The following ICAM5 variants were observed in gnomAD, a reference collection of about 807,000 sequenced individuals.
ICAM5 encodes intercellular adhesion molecule 5.
ICAM5 carries 38 observed loss-of-function variants against 78.8 expected under a neutral mutation model. The observed-to-expected ratio is 0.48, with a 90% CI of 0.37 to 0.63. ICAM5 has a LOEUF of 0.63. ICAM5 is among the 30% of genes least tolerant of loss of function. The probability of loss-of-function intolerance (pLI) is 0.00; values close to 1 mark genes in which losing one functional copy is unlikely to be tolerated. For synonymous variants in ICAM5, 544 were observed against 590.9 expected (o/e 0.92, Z 1.15); for missense variants, 1,059 against 1,303.0 (o/e 0.81, Z 2.88).
In ICAM5 at chr19:10,290,106, G is replaced by A; in HGVS notation, c.63G>A (p.Leu21=). The change falls in exon 1 of 11, where the codon CTG becomes CTA. Residue 21 remains leucine (L), a synonymous_variant. Transcript: ENST00000221980. The surrounding 1 kb of genome is among the most constrained non-coding windows in gnomAD (Gnocchi z 5.7). The part of the protein sequence containing the change: ...ALLGLWAALG[L]GLFGLSAVSQ... ...TCGGCCTCTGGGCTGCTCTGGGCCT[G>A]GGGCTCTTCGGCCTCTCAGGTAAGA... The A allele has an allele frequency of 7.8e-6, 12 of 1,535,544 alleles. No individual in the cohort carries two copies. Among genetic ancestry groups the A allele is most frequent in the Non-Finnish European group, 1.1e-5 (12 of 1,140,350 alleles).
In ICAM5 at chr19:10,293,023, CTGCCCCAGGAGTTGGACGTGGCCCGA is replaced by C; in HGVS notation, c.1243_1268del (p.Cys415GlyfsTer52). 1 of 1,611,104 alleles carries C rather than the reference CTGCCCCAGGAGTTGGACGTGGCCCGA, an allele frequency of 6.2e-7. No individual in the cohort carries two copies. The highest frequency in any genetic ancestry group is 8.5e-7 in the Non-Finnish European group (1 of 1,180,016). On this transcript the variant is annotated frameshift_variant, in exon 6 of 11. Transcript: ENST00000221980. LOFTEE classifies it high-confidence loss of function. This position sits in a 1 kb window ranked among gnomAD's most constrained non-coding sequence, Gnocchi z 5.0. ...ACGCTCCCCGGCTAGACGATTCGGA[CTGCCCCAGGAGTTGGACGTGGCCCGA>C]GGGCCCAGAGCAGACGCTGCGCTGC...
chr19:10,295,883 T>A (rs2040216565), intron 10 of ICAM5, among the ~76,000 whole-genome samples: 1 of 152,142 alleles, frequency 6.6e-6, no homozygotes, highest in African/African-American at 2.4e-5. Context: ...TTGGGCTGGA[T>A]TCTGCGTGGT....
chr19:10,295,128 C>A (rs2040209617), intron 9 of ICAM5, among the ~76,000 whole-genome samples: 2 of 152,340 alleles, frequency 1.3e-5, no homozygotes, highest in Admixed American at 6.5e-5. Flanking sequence ...AGAACACTGA[C>A]CTGGGCTTCA....
At chr19:10,291,985 G>C (rs1428076541) in intron 3 of ICAM5, 50 bp from the exon 4 acceptor site, 1 of 1,580,320 alleles carries the variant, frequency 6.3e-7, no homozygotes, top group Admixed American at 1.7e-5. Flanking sequence ...AAGTGCTTAG[G>C]ACATATTGAG....
chr19:10,295,759 G>T, intron 10 of ICAM5, 147 bp downstream of exon 10: 1 of 942,110 alleles, frequency 1.1e-6, no homozygotes. Flanking sequence ...GTGCCTTAGC[G>T]GGTGGGGCTG....
Position 10,290,913 on chromosome 19 carries a change from A to C in ICAM5, c.83-159A>C. The stretch of plus-strand genomic sequence containing the variant: ...GTTTAGACTCTGGGAGTGCGCCTTT[A>C]AACCGGAGGCCTGGGCAGGACGCGG... On this transcript the variant is annotated intron_variant, in intron 1 of 10. Coordinates refer to ENST00000221980, the MANE Select transcript of ICAM5 (RefSeq NM_003259.4). The surrounding 1 kb of genome is among the most constrained non-coding windows in gnomAD (Gnocchi z 5.7). 1 of 924,358 alleles carries C rather than the reference A, an allele frequency of 1.1e-6. No homozygotes were observed. Among genetic ancestry groups the C allele is most frequent in the Non-Finnish European group, 1.6e-6 (1 of 629,692 alleles). The allele number at this position is 924,358 out of a possible 1,614,324, so 57.3% of individuals were successfully genotyped here.
chr19:10,293,619 C>G lies in ICAM5; in HGVS notation c.1466-79C>G. The G allele has an allele frequency of 1.3e-6, 2 of 1,542,158 alleles. No individual in the cohort carries two copies. Among genetic ancestry groups the G allele is most frequent in the South Asian group, 2.4e-5 (2 of 81,670 alleles). ...ATGCAGGGACAACACTTCGTGGAAG[C>G]CTTGCCGCGCCAAGGAGGGTCTAGG... On this transcript the variant is annotated intron_variant, in intron 6 of 10. Transcript: ENST00000221980. The surrounding 1 kb of genome is among the most constrained non-coding windows in gnomAD (Gnocchi z 5.0).
chr19:10,291,516 C>G lies in ICAM5; in HGVS notation c.380C>G (p.Pro127Arg). The G allele has an allele frequency of 6.2e-7, 1 of 1,612,588 alleles. No homozygotes were observed. Among genetic ancestry groups the G allele is most frequent in the East Asian group, 2.2e-5 (1 of 44,880 alleles). ...FQRPDRVELMPLPPWQPVGEN... is the reference protein window; with the variant it reads ...FQRPDRVELMRLPPWQPVGEN... ...CGACCAGATCGCGTAGAGCTGATGC[C>G]GCTGCCTCCCTGGCAGCCGGTGGGC... Residue 127 changes from proline (P) to arginine (R), a missense_variant, in exon 3 of 11, where the codon CCG becomes CGG. Physicochemically the swap from Pro to Arg is moderately radical, Grantham distance 103. Coordinates refer to ENST00000221980, the MANE Select transcript of ICAM5 (RefSeq NM_003259.4).
intron 2 of ICAM5, 52 bp downstream of exon 2, chr19:10,291,393 G>T: frequency 6.2e-7 from 1 of 1,606,856 alleles, no homozygotes; most frequent in Non-Finnish European, 8.5e-7. Flanking sequence ...TCCCTCCCAG[G>T]CCCCGCCCCC....
Position 10,293,300 on chromosome 19 carries a change from G to A in ICAM5, c.1465+54G>A. On this transcript the variant is annotated intron_variant, in intron 6 of 10. Coordinates refer to ENST00000221980, the MANE Select transcript of ICAM5 (RefSeq NM_003259.4). This position sits in a 1 kb window ranked among gnomAD's most constrained non-coding sequence, Gnocchi z 5.0. The stretch of plus-strand genomic sequence containing the variant: ...TATCTGGTTCAAGGTCTGGAGGGTG[G>A]CCAGCCTCCAGGGAAGAGTAGGAGT... The A allele has an allele frequency of 6.6e-7, 1 of 1,525,096 alleles. No individual in the cohort carries two copies. Among genetic ancestry groups the A allele is most frequent in the Non-Finnish European group, 8.8e-7 (1 of 1,134,998 alleles). 94.5% of individuals were successfully genotyped at this position (1,525,096 alleles called of 1,614,324 possible).
chr19:10,295,679 G>C lies in ICAM5; in HGVS notation c.2497+67G>C, dbSNP rs951317707. 3.7e-5 allele frequency: 54 copies of C among 1,460,092 alleles called. 1 individual carries two copies. The highest frequency in any genetic ancestry group is 4.5e-5 in the Non-Finnish European group (50 of 1,102,768). The allele number at this position is 1,460,092 out of a possible 1,614,324, so 90.4% of individuals were successfully genotyped here. A position where few individuals can be genotyped will look rare whatever the true frequency, so the allele number is the denominator to read the frequency against. On this transcript the variant is annotated intron_variant, in intron 10 of 10. Coordinates refer to ENST00000221980, the MANE Select transcript of ICAM5 (RefSeq NM_003259.4). ...GGGGGCGTGACCTGGGTCTTGGGGCGGCCGGCCCCGCCTGCCTCCCTCTCG... is the reference window on the plus strand; with the variant it reads ...GGGGGCGTGACCTGGGTCTTGGGGCCGCCGGCCCCGCCTGCCTCCCTCTCG...
chr19:10,291,481 C>G lies in ICAM5; in HGVS notation c.353-8C>G. 6.2e-7 allele frequency: 1 copy of G among 1,612,264 alleles called. No individual in the cohort carries two copies. Among genetic ancestry groups the G allele is most frequent in the Non-Finnish European group, 8.5e-7 (1 of 1,179,776 alleles). ...GTTCAAAGAGCTGCGGACTCTTCCC[C>G]CTTGCAGAGCGACCAGATCGCGTAG... On this transcript the variant is annotated splice_polypyrimidine_tract_variant and splice_region_variant and intron_variant, in intron 2 of 10. Transcript: ENST00000221980.
rs140852122 is a variant in ICAM5 at position 10,292,857 on chromosome 19, C to A, written c.1207C>A (p.Arg403Ser). Residue 403 changes from arginine (R) to serine (S), a missense_variant, in exon 5 of 11, where the codon CGT (arginine) becomes AGT (serine). Physicochemically the swap from Arg to Ser is moderately radical, Grantham distance 110. Around this residue, in one of 3 missense-constraint regions of ICAM5, gnomAD observed 815 missense variants for 952.8 expected, o/e 0.86. Coordinates refer to ENST00000221980, the MANE Select transcript of ICAM5 (RefSeq NM_003259.4). Reference sequence around the variant, plus strand: ...GATCAAGAACAGGAGCGCAGAGCTTCGTGTCCTATGTGAGTTGGTGATAAC... The same window carrying A: ...GATCAAGAACAGGAGCGCAGAGCTTAGTGTCCTATGTGAGTTGGTGATAAC... ...TLIKNRSAEL[R>S]VLYAPRLDDS... 2 of 1,612,092 alleles carry A rather than the reference C, an allele frequency of 1.2e-6. No homozygotes were observed. Among genetic ancestry groups the A allele is most frequent in the Non-Finnish European group, 1.7e-6 (2 of 1,179,396 alleles).
Position 10,292,102 on chromosome 19 carries a change from G to GCAGCCAGGGAA in ICAM5, c.741_742insCAGCCAGGGAA (p.Ser248GlnfsTer28). Reference sequence around the variant, plus strand: ...TGGAAGTTGGCTCGGAAAGGCCCGTGAGCTGCACTCTGGACGGACTGTTTC... The same window carrying GCAGCCAGGGAA: ...TGGAAGTTGGCTCGGAAAGGCCCGTGCAGCCAGGGAAAGCTGCACTCTGGACGGACTGTTTC... On this transcript the variant is annotated frameshift_variant, in exon 4 of 11. Transcript: ENST00000221980. LOFTEE classifies it high-confidence loss of function. 6.2e-7 allele frequency: 1 copy of GCAGCCAGGGAA among 1,613,404 alleles called. No individual in the cohort carries two copies. Among genetic ancestry groups the GCAGCCAGGGAA allele is most frequent in the Non-Finnish European group, 8.5e-7 (1 of 1,180,040 alleles).
chr19:10,292,605 C>T lies in ICAM5; in HGVS notation c.962-7C>T. On this transcript the variant is annotated splice_polypyrimidine_tract_variant and splice_region_variant and intron_variant, in intron 4 of 10. Coordinates refer to ENST00000221980, the MANE Select transcript of ICAM5 (RefSeq NM_003259.4). Reference sequence around the variant, plus strand: ...CAGTATACTACGACCAAATGCTCCGCCCCCAGGCTTCCCGGCACCACTCCT... The same window carrying T: ...CAGTATACTACGACCAAATGCTCCGTCCCCAGGCTTCCCGGCACCACTCCT... The T allele has an allele frequency of 6.4e-7, 1 of 1,554,336 alleles. No individual in the cohort carries two copies. Among genetic ancestry groups the T allele is most frequent in the East Asian group, 2.2e-5 (1 of 44,460 alleles).
chr19:10,293,626 G>A lies in ICAM5; in HGVS notation c.1466-72G>A, dbSNP rs2040194608. 2 of 1,553,120 alleles carry A rather than the reference G, an allele frequency of 1.3e-6. No homozygotes were observed. The highest frequency in any genetic ancestry group is 8.7e-7 in the Non-Finnish European group (1 of 1,147,736). On this transcript the variant is annotated intron_variant, in intron 6 of 10. Coordinates refer to ENST00000221980, the MANE Select transcript of ICAM5 (RefSeq NM_003259.4). The surrounding 1 kb of genome is among the most constrained non-coding windows in gnomAD (Gnocchi z 5.0). ...GACAACACTTCGTGGAAGCCTTGCC[G>A]CGCCAAGGAGGGTCTAGGGACGTCA...
chr19:10,290,030 T>G lies in ICAM5; in HGVS notation c.-14T>G. 6.5e-7 allele frequency: 1 copy of G among 1,536,362 alleles called. No individual in the cohort carries two copies. The highest frequency in any genetic ancestry group is 8.7e-7 in the Non-Finnish European group (1 of 1,144,688). ...CGCGCTCTCCTCGCCTCCTGTGCTTTCCCCGCCGCGGCGATGCCAGGGCCT... is the reference window on the plus strand; with the variant it reads ...CGCGCTCTCCTCGCCTCCTGTGCTTGCCCCGCCGCGGCGATGCCAGGGCCT... On this transcript the variant is annotated 5_prime_UTR_variant, in exon 1 of 11. Coordinates refer to ENST00000221980, the MANE Select transcript of ICAM5 (RefSeq NM_003259.4). The surrounding 1 kb of genome is among the most constrained non-coding windows in gnomAD (Gnocchi z 5.7).
At position 10,294,804 on chromosome 19, in the gene ICAM5, G is replaced by A. The variant is rs576045524; in HGVS notation, c.2230+164G>A. Among the ~76,000 whole-genome samples, 7 of 152,308 alleles carry A rather than the reference G, an allele frequency of 4.6e-5. No homozygotes were observed. Among genetic ancestry groups the A allele is most frequent in the Admixed American group, 2.0e-4 (3 of 15,294 alleles). ...ATTCTAGCCAGGCGCAGTGGCTCAG[G>A]TCTGTAATCCCAACACTTTGGAAGG... is the stretch of plus-strand genomic sequence containing the variant. On this transcript the variant is annotated intron_variant, in intron 9 of 10. Coordinates refer to ENST00000221980, the MANE Select transcript of ICAM5 (RefSeq NM_003259.4). The surrounding 1 kb of genome is among the most constrained non-coding windows in gnomAD (Gnocchi z 7.7).
Position 10,296,559 on chromosome 19 carries a change from C to T in ICAM5, c.2718C>T (p.Gly906=). The change falls in exon 11 of 11, where the codon GGC becomes GGT. Residue 906 remains glycine (G), a synonymous_variant. Coordinates refer to ENST00000221980, the MANE Select transcript of ICAM5 (RefSeq NM_003259.4). ...GAEGGPEAAG[G]AAESPAEGEV... is the part of the protein sequence containing the mutation. ...AGGGCGGACCCGAGGCGGCGGGGGG[C>T]GCGGCCGAGTCGCCGGCGGAGGGCG... is the stretch of plus-strand genomic sequence containing the variant. 1.6e-6 allele frequency: 2 copies of T among 1,219,228 alleles called. No individual in the cohort carries two copies. Among genetic ancestry groups the T allele is most frequent in the South Asian group, 8.3e-5 (2 of 24,220 alleles). The allele number at this position is 1,219,228 out of a possible 1,614,324, so 75.5% of individuals were successfully genotyped here. A position where few individuals can be genotyped will look rare whatever the true frequency, so the allele number is the denominator to read the frequency against.
Sources: allele counts gnomAD v4.1 joint callset (sites outside exome capture counted in the v4.1 genomes callset), GRCh38; gene constraint gnomAD v4.1.1; regional missense constraint gnomAD v4.1.1; non-coding constraint Gnocchi (gnomAD v3.1); transcripts MANE v1.5; gene names NCBI Gene and HGNC (gene_info 2026-07-23, HGNC 2026-07-21).